The following NBR1 variants were observed in gnomAD, a reference collection of about 807,000 sequenced individuals.
The protein encoded by NBR1 is NBR1 autophagy cargo receptor, also known as next to BRCA1 gene 1 protein.
NBR1 carries 59 observed loss-of-function variants against 115.5 expected under a neutral mutation model. The observed-to-expected ratio is 0.51, with a 90% CI of 0.41 to 0.63. The LOEUF (loss-of-function observed/expected upper bound fraction) is 0.63. Ranked by LOEUF, NBR1 falls within the 30% of genes least tolerant of loss-of-function variation. The pLI is 0.00. For synonymous variants in NBR1, 373 were observed against 414.7 expected (o/e 0.90, Z 1.22); for missense variants, 1,043 against 1,150.5 (o/e 0.91, Z 1.35).
chr17:43,188,944 A>T, intron 6 of NBR1, 98 bp from the exon 7 acceptor site: 1 of 846,836 alleles, frequency 1.2e-6, no homozygotes, highest in Non-Finnish European at 2.0e-6. Flanking sequence ...ATATACTTGT[A>T]TGATTTCACA....
At chr17:43,192,566 T>C (rs2056973424) in intron 10 of NBR1, among the ~76,000 whole-genome samples, 1 of 151,956 alleles carries the variant, frequency 6.6e-6, no homozygotes, top group Non-Finnish European at 1.5e-5. Context: ...AAACAGGGTT[T>C]CACCGTGTTA....
At chr17:43,202,883 C>T (rs748464071) in intron 19 of NBR1, among the ~76,000 whole-genome samples, 171 bp downstream of exon 19, 1 of 152,186 alleles carries the variant, frequency 6.6e-6, no homozygotes, top group Admixed American at 6.5e-5. Flanking sequence ...ACTGAACAAA[C>T]GGCTAAAGCT....
At chr17:43,194,538 G>T (rs748880047) in intron 13 of NBR1, 39 bp downstream of exon 13, 12 of 1,611,052 alleles carry the variant, frequency 7.4e-6, no homozygotes, top group Non-Finnish European at 8.5e-6. Context: ...GGGACAGAGG[G>T]AGAGAGCACA....
At chr17:43,193,014 C>G (rs1299045888) in intron 10 of NBR1, 80 bp from the exon 11 acceptor site, 5 of 1,396,554 alleles carry the variant, frequency 3.6e-6, no homozygotes, top group Non-Finnish European at 5.0e-6. Flanking sequence ...GAGTCACAGT[C>G]AGACTCTCAA....
In NBR1 at chr17:43,191,442, C is replaced by T. The variant is rs755927037; in HGVS notation, c.934C>T (p.Arg312Cys). The change falls in exon 10 of 21, where the codon CGT becomes TGT. Residue 312 changes from arginine (R) to cysteine (C), a missense_variant. Transcript: ENST00000590996. ...KQRLRAEKKQRKAEVKELKKQ... is the reference protein window; with the variant it reads ...KQRLRAEKKQCKAEVKELKKQ... Reference sequence around the variant, plus strand: ...AAGGTTGCGAGCTGAGAAGAAACAACGTAAAGCAGAGGTCAAGGAACTTAA... The same window carrying T: ...AAGGTTGCGAGCTGAGAAGAAACAATGTAAAGCAGAGGTCAAGGAACTTAA... 3 of 1,613,234 alleles carry T rather than the reference C, an allele frequency of 1.9e-6. No individual in the cohort carries two copies. In the East Asian group the frequency reaches 6.7e-5, roughly 36 times the overall value.
Position 43,196,476 on chromosome 17 carries a change from T to C in NBR1, c.1751-5T>C. 1 of 1,543,804 alleles carries C rather than the reference T, an allele frequency of 6.5e-7. No individual in the cohort carries two copies. Among genetic ancestry groups the C allele is most frequent in the South Asian group, 1.2e-5 (1 of 81,622 alleles). On this transcript the variant is annotated splice_region_variant and splice_polypyrimidine_tract_variant and intron_variant, in intron 14 of 20. Coordinates refer to ENST00000590996, the MANE Select transcript of NBR1 (RefSeq NM_005899.5). ...ATTGATGGTTCTCCTGTCTTCATTCTCCAGATGTGACTCCCTGCATGTCTC... is the reference window on the plus strand; with the variant it reads ...ATTGATGGTTCTCCTGTCTTCATTCCCCAGATGTGACTCCCTGCATGTCTC...
rs1185713743 is a variant in NBR1, at chr17:43,196,992, G to A, written c.1912G>A (p.Glu638Lys). The change falls in exon 16 of 21, where the codon GAA becomes AAA. Residue 638 changes from glutamate (E) to lysine (K), a missense_variant. Coordinates refer to ENST00000590996, the MANE Select transcript of NBR1 (RefSeq NM_005899.5). ...GGCTGAGAACATTGCTTCTGTGGAG[G>A]AAGCAGAAGAAGACCTGAGTGGGAC... ...RKAENIASVE[E>K]AEEDLSGTQF... 1.2e-6 allele frequency: 2 copies of A among 1,614,016 alleles called. No homozygotes were observed. Among genetic ancestry groups the A allele is most frequent in the Admixed American group, 3.3e-5 (2 of 60,020 alleles).
At chr17:43,182,908 T>C (rs11655049) in intron 5 of NBR1, among the ~76,000 whole-genome samples, 47,080 of 151,310 alleles carry the variant, frequency 0.31, 7,950 homozygotes, top group South Asian at 0.49. Context: ...GGATTACAGG[T>C]GTATGCCACC....
At position 43,193,389 on chromosome 17, in the gene NBR1, A is replaced by C; in HGVS notation, c.1275A>C (p.Glu425Asp). The change falls in exon 12 of 21, where the codon GAA (glutamate) becomes GAC (aspartate). Residue 425 changes from glutamate (E) to aspartate (D), a missense_variant. Glu to Asp is a conservative substitution (Grantham distance 45). Coordinates refer to ENST00000590996, the MANE Select transcript of NBR1 (RefSeq NM_005899.5). ...GAAACCTGACTTTGGCTTCCACAGA[A>C]AAGAAGGATGTTTTGGTTCCCTGCC... ...MWGNLTLAST[E>D]KKDVLVPCLK... 1 of 1,614,000 alleles carries C rather than the reference A, an allele frequency of 6.2e-7. No homozygotes were observed. Among genetic ancestry groups the C allele is most frequent in the Non-Finnish European group, 8.5e-7 (1 of 1,179,884 alleles).
At chr17:43,183,030 C>T (rs2056711880) in intron 5 of NBR1, among the ~76,000 whole-genome samples, 1 of 151,594 alleles carries the variant, frequency 6.6e-6, no homozygotes, top group Non-Finnish European at 1.5e-5. Context: ...TCCCAAAGTG[C>T]TGGGATTACA....
At position 43,175,776 on chromosome 17, in the gene NBR1, C is replaced by A. The variant is rs770825379; in HGVS notation, c.-9-15C>A. Reference sequence around the variant, plus strand: ...TGTGTTTTTCTCTCTCTCCCACCAACCTTCTCAACCCTAGCCTCACAGCAT... The same window carrying A: ...TGTGTTTTTCTCTCTCTCCCACCAAACTTCTCAACCCTAGCCTCACAGCAT... On this transcript the variant is annotated splice_polypyrimidine_tract_variant and intron_variant, in intron 1 of 20. Coordinates refer to ENST00000590996, the MANE Select transcript of NBR1 (RefSeq NM_005899.5). 3 of 1,286,436 alleles carry A rather than the reference C, an allele frequency of 2.3e-6. No homozygotes were observed. In the South Asian group the frequency reaches 3.8e-5, roughly 16 times the overall value. The allele number at this position is 1,286,436 out of a possible 1,614,324, so 79.7% of individuals were successfully genotyped here.
intron 10 of NBR1, among the ~76,000 whole-genome samples, chr17:43,192,401 G>C (rs907074798): frequency 6.7e-6 from 1 of 149,594 alleles, no homozygotes; most frequent in Non-Finnish European, 1.5e-5. Flanking sequence ...TTGGAGTCTC[G>C]CCTGTTGCCC....
intron 7 of NBR1, 23 bp downstream of exon 7, chr17:43,189,142 GTT>G: frequency 6.5e-7 from 1 of 1,543,802 alleles, no homozygotes; most frequent in Non-Finnish European, 9.0e-7. Context: ...TCTCGCTTGG[GTT>G]TTAACTGCGG....
rs1451774210 is a variant in NBR1, at chr17:43,200,080, T to C, written c.2027-87T>C. 4 of 1,089,158 alleles carry C rather than the reference T, an allele frequency of 3.7e-6. No homozygotes were observed. In the East Asian group the frequency reaches 1.0e-4, roughly 28 times the overall value. 67.5% of individuals were successfully genotyped at this position (1,089,158 alleles called of 1,614,324 possible). Reference sequence around the variant, plus strand: ...TCCTCTGGCTTTCATAATTCTAGCTTATGATCCACAAGGCTTTACCAAGTA... The same window carrying C: ...TCCTCTGGCTTTCATAATTCTAGCTCATGATCCACAAGGCTTTACCAAGTA... On this transcript the variant is annotated intron_variant, in intron 16 of 20. Transcript: ENST00000590996.
intron 14 of NBR1, 26 bp downstream of exon 14, chr17:43,195,065 G>C: frequency 6.3e-7 from 1 of 1,592,116 alleles, no homozygotes; most frequent in Non-Finnish European, 8.6e-7. Flanking sequence ...ATTTCATCTT[G>C]TTCGTCTTAC....
At chr17:43,200,051 C>T in intron 16 of NBR1, 116 bp from the exon 17 acceptor site, 2 of 822,536 alleles carry the variant, frequency 2.4e-6, no homozygotes, top group Non-Finnish European at 3.8e-6. Flanking sequence ...TTAGTTCTTC[C>T]CTCTCCTCTG....
chr17:43,173,738 A>T (rs2056435213), intron 1 of NBR1, among the ~76,000 whole-genome samples: 1 of 152,154 alleles, frequency 6.6e-6, no homozygotes, highest in African/African-American at 2.4e-5. Flanking sequence ...AAGCGAACTG[A>T]CCTGCTCACA....
intron 1 of NBR1, among the ~76,000 whole-genome samples, chr17:43,173,911 A>G (rs1211158743): frequency 1.4e-5 from 2 of 140,886 alleles, no homozygotes; most frequent in Non-Finnish European, 3.0e-5. Context: ...ATTTTTTCAT[A>G]TCTTGTTCCT....
chr17:43,201,925 A>C, intron 18 of NBR1, 145 bp downstream of exon 18: 1 of 600,690 alleles, frequency 1.7e-6, no homozygotes, highest in Non-Finnish European at 2.9e-6. Context: ...CACACCTGTA[A>C]TCCCAACACT....
Sources: allele counts gnomAD v4.1 joint callset (sites outside exome capture counted in the v4.1 genomes callset), GRCh38; gene constraint gnomAD v4.1.1; transcripts MANE v1.5; gene names NCBI Gene and HGNC (gene_info 2026-07-23, HGNC 2026-07-21).